PCDHGC5: variants seen among roughly 807,000 people sequenced by gnomAD.
The protein encoded by PCDHGC5 is protocadherin gamma-C5.
A neutral mutation model predicts 59.0 loss-of-function variants in PCDHGC5; 25 were observed. The observed-to-expected ratio is 0.42, with a 90% CI of 0.31 to 0.59. The LOEUF is 0.59. Among genes scored for constraint, PCDHGC5 ranks in the 20% least tolerant of loss-of-function variants. PCDHGC5 has a pLI of 0.13. For missense variants in PCDHGC5, 1,067 were observed against 1,206.4 expected (o/e 0.88, Z 1.71); for synonymous variants, 434 against 505.5 (o/e 0.86, Z 1.90).
At chr5:141,501,290 TACACACACACACACACAC>T (rs55762287) in intron 2 of PCDHGC5, among the ~76,000 whole-genome samples, 6 of 136,162 alleles carry the variant, frequency 4.4e-5, no homozygotes, top group South Asian at 2.4e-4. Flanking sequence ...TATTCCCTTA[TACACACACACACACACAC>T]ACACACACAC....
Position 141,491,622 on chromosome 5 carries a change from C to T in PCDHGC5, c.2382C>T (p.Ser794=), listed in dbSNP as rs980546113. 15 of 1,613,786 alleles carry T rather than the reference C, an allele frequency of 9.3e-6. No individual in the cohort carries two copies. Among genetic ancestry groups the T allele is most frequent in the Non-Finnish European group, 1.3e-5 (15 of 1,180,002 alleles). Reference sequence around the variant, plus strand: ...ACTTCACTTTTCTAAGACCCCTCAGCGTTCAGCAGCCCACAGCTCTGGCGC... The same window carrying T: ...ACTTCACTTTTCTAAGACCCCTCAGTGTTCAGCAGCCCACAGCTCTGGCGC... ...GSDFTFLRPL[S]VQQPTALALE... is the part of the protein sequence containing the mutation. Residue 794 remains serine, a synonymous_variant, in exon 1 of 4, where the codon AGC becomes AGT. Transcript: ENST00000252087. This position sits in a 1 kb window ranked among gnomAD's most constrained non-coding sequence, Gnocchi z 6.9.
rs943867570 is a variant in PCDHGC5 at position 141,493,651 on chromosome 5, T to C, written c.2461-1156T>C. On this transcript the variant is annotated intron_variant, in intron 1 of 3. Coordinates refer to ENST00000252087, the MANE Select transcript of PCDHGC5 (RefSeq NM_018929.3). The surrounding 1 kb of genome is among the most constrained non-coding windows in gnomAD (Gnocchi z 4.3). ...AGTGGCTGAGGGCTGGCCATCCCTGTGCCCTTCTCCATGGCAGCCCCAGAA... is the reference window on the plus strand; with the variant it reads ...AGTGGCTGAGGGCTGGCCATCCCTGCGCCCTTCTCCATGGCAGCCCCAGAA... Among the ~76,000 whole-genome samples, 1 of 152,204 alleles carries C rather than the reference T, an allele frequency of 6.6e-6. No individual in the cohort carries two copies. The highest frequency in any genetic ancestry group is 1.5e-5 in the Non-Finnish European group (1 of 68,030).
chr5:141,499,689 C>CTTTT (rs545067566), intron 2 of PCDHGC5, among the ~76,000 whole-genome samples: 17 of 119,848 alleles, frequency 1.4e-4, no homozygotes, highest in East Asian at 2.4e-4. Context: ...TAACAGATGA[C>CTTTT]TTTTTTTTTT....
chr5:141,503,773 C>A (rs961986223), intron 2 of PCDHGC5, among the ~76,000 whole-genome samples: 1 of 152,204 alleles, frequency 6.6e-6, no homozygotes. Context: ...TGTGTCTGTT[C>A]TTAGGCTGAG....
At position 141,491,093 on chromosome 5, in the gene PCDHGC5, T is replaced by G; in HGVS notation, c.1853T>G (p.Leu618Arg). The G allele has an allele frequency of 6.2e-7, 1 of 1,614,160 alleles. No individual in the cohort carries two copies. The highest frequency in any genetic ancestry group is 8.5e-7 in the Non-Finnish European group (1 of 1,180,008). Residue 618 changes from leucine to arginine, a missense_variant, in exon 1 of 4, where the codon CTG (leucine) becomes CGG (arginine). By Grantham distance (102) the Leu-to-Arg change is moderately radical. Transcript: ENST00000252087. This position sits in a 1 kb window ranked among gnomAD's most constrained non-coding sequence, Gnocchi z 6.9. ...TTGCCACAGTCCACAGCCCCAGGAC[T>G]GTTCCTCGTGTCTACACACACTGGT... is the stretch of plus-strand genomic sequence containing the variant. ...SLLPQSTAPG[L>R]FLVSTHTGEV...
rs1445356223 is a variant in PCDHGC5, at chr5:141,490,414, G to T, written c.1174G>T (p.Asp392Tyr). The change falls in exon 1 of 4, where the codon GAC (aspartate) becomes TAC (tyrosine). Residue 392 changes from aspartate to tyrosine, a missense_variant. By Grantham distance (160) the Asp-to-Tyr change is radical. Transcript: ENST00000252087. This position sits in a 1 kb window ranked among gnomAD's most constrained non-coding sequence, Gnocchi z 5.4. ...NGEVSLDISP[D>Y]LPFQIKPSEN... ...TGAAGTGAGCCTTGATATCTCTCCGGACCTGCCATTTCAGATTAAGCCTTC... is the reference window on the plus strand; with the variant it reads ...TGAAGTGAGCCTTGATATCTCTCCGTACCTGCCATTTCAGATTAAGCCTTC... The T allele has an allele frequency of 1.2e-6, 2 of 1,614,138 alleles. No homozygotes were observed. The highest frequency in any genetic ancestry group is 1.7e-6 in the Non-Finnish European group (2 of 1,180,024).
rs537755017 is a variant in PCDHGC5 at position 141,491,797 on chromosome 5, G to A, written c.2460+97G>A. 16 of 1,506,818 alleles carry A rather than the reference G, an allele frequency of 1.1e-5. No individual in the cohort carries two copies. In the Admixed American group the frequency reaches 2.2e-4, roughly 20 times the overall value. The allele number at this position is 1,506,818 out of a possible 1,614,324, so 93.3% of individuals were successfully genotyped here. A position where few individuals can be genotyped will look rare whatever the true frequency, so the allele number is the denominator to read the frequency against. ...ATTGAACTTGCATCCACTCCTCTCC[G>A]GCCGGCTTGGTCGCTGGCTGCGCTC... On this transcript the variant is annotated intron_variant, in intron 1 of 3. Transcript: ENST00000252087. The surrounding 1 kb of genome is among the most constrained non-coding windows in gnomAD (Gnocchi z 6.9).
intron 3 of PCDHGC5, among the ~76,000 whole-genome samples, chr5:141,509,801 T>C (rs556629445): frequency 2.6e-5 from 4 of 152,140 alleles, no homozygotes; most frequent in South Asian, 2.1e-4. Flanking sequence ...CTCAGCTTCA[T>C]AGAGCCGAGC....
chr5:141,511,351 C>G lies in PCDHGC5; in HGVS notation c.*178C>G, dbSNP rs1190324197. On this transcript the variant is annotated 3_prime_UTR_variant, in exon 4 of 4. Coordinates refer to ENST00000252087, the MANE Select transcript of PCDHGC5 (RefSeq NM_018929.3). The stretch of plus-strand genomic sequence containing the variant: ...CCAGTCAGCACCTACCCCTTCCCCC[C>G]CAGGGGGTTGAATATGCAAAAGCAG... 6 of 1,386,432 alleles carry G rather than the reference C, an allele frequency of 4.3e-6. No individual in the cohort carries two copies. The highest frequency in any genetic ancestry group is 2.9e-5 in the African/African-American group (2 of 68,574). The allele number at this position is 1,386,432 out of a possible 1,614,324, so 85.9% of individuals were successfully genotyped here.
At chr5:141,509,216 T>C (rs2099875781) in intron 3 of PCDHGC5, among the ~76,000 whole-genome samples, 1 of 152,124 alleles carries the variant, frequency 6.6e-6, no homozygotes, top group South Asian at 2.1e-4. Flanking sequence ...TATTTCTCAA[T>C]CCCTGGTTGA....
intron 2 of PCDHGC5, among the ~76,000 whole-genome samples, chr5:141,501,052 A>G (rs1007055288): frequency 6.6e-6 from 1 of 151,988 alleles, no homozygotes; most frequent in Non-Finnish European, 1.5e-5. Flanking sequence ...TATTTTTAGT[A>G]GAGACGGGGT....
At position 141,493,235 on chromosome 5, in the gene PCDHGC5, T is replaced by G. The variant is rs541360337; in HGVS notation, c.2460+1535T>G. Among the ~76,000 whole-genome samples the G allele has an allele frequency of 6.6e-6, 1 of 152,352 alleles. No homozygotes were observed. The highest frequency in any genetic ancestry group is 1.5e-5 in the Non-Finnish European group (1 of 68,036). On this transcript the variant is annotated intron_variant, in intron 1 of 3. Transcript: ENST00000252087. This position sits in a 1 kb window ranked among gnomAD's most constrained non-coding sequence, Gnocchi z 4.3. ...TGCTCTTCCCACCATTGCTGTTGGC[T>G]AGGTACTAACATGCCTCTCTTATAA...
chr5:141,501,328 CACA>C (rs2099808027), intron 2 of PCDHGC5, among the ~76,000 whole-genome samples: 1 of 151,710 alleles, frequency 6.6e-6, no homozygotes, highest in Non-Finnish European at 1.5e-5. Context: ...CACACACACA[CACA>C]CACCCCAAAC....
chr5:141,507,613 T>G (rs1003099044), intron 3 of PCDHGC5, among the ~76,000 whole-genome samples: 1 of 152,248 alleles, frequency 6.6e-6, no homozygotes, highest in African/African-American at 2.4e-5. Context: ...ACAGGTATAT[T>G]TAGCTGTTGT....
In PCDHGC5 at chr5:141,497,558, TA is replaced by T. The variant is rs543126612; in HGVS notation, c.2519+2694del. 6.7e-3 allele frequency among the ~76,000 whole-genome samples: 979 copies of T among 145,038 alleles called. 16 individuals carry two copies. Among genetic ancestry groups the T allele is most frequent in the African/African-American group, 0.024 (931 of 38,872 alleles). On this transcript the variant is annotated intron_variant, in intron 2 of 3. Coordinates refer to ENST00000252087, the MANE Select transcript of PCDHGC5 (RefSeq NM_018929.3). The stretch of plus-strand genomic sequence containing the variant: ...AACAAACCTTTTTTTTTTTTTTTTT[TA>T]GACAGAGTCTTGCTCTGTTGCCCAA...
At chr5:141,502,377 C>A (rs748121694) in intron 2 of PCDHGC5, among the ~76,000 whole-genome samples, 14 of 151,904 alleles carry the variant, frequency 9.2e-5, no homozygotes, top group Non-Finnish European at 1.3e-4. Flanking sequence ...AGAGTCCAGG[C>A]CAGTTGTACT....
chr5:141,495,878 T>C (rs2099764378), intron 2 of PCDHGC5, among the ~76,000 whole-genome samples: 1 of 152,184 alleles, frequency 6.6e-6, no homozygotes, highest in African/African-American at 2.4e-5. Context: ...TTCCTCTCTG[T>C]TCTTTGTCTC....
Position 141,489,712 on chromosome 5 carries a change from C to T in PCDHGC5, c.472C>T (p.Gln158Ter). Residue 158 changes from glutamine to a stop codon, truncating the protein, a stop_gained, in exon 1 of 4, where the codon CAG becomes TAG. Coordinates refer to ENST00000252087, the MANE Select transcript of PCDHGC5 (RefSeq NM_018929.3). LOFTEE classifies it high-confidence loss of function. The surrounding 1 kb of genome is among the most constrained non-coding windows in gnomAD (Gnocchi z 4.5). ...SGARFPLDSAQDPDVGTNTVS... is the reference protein window; with the variant it reads ...SGARFPLDSA The stretch of plus-strand genomic sequence containing the variant: ...GGCACGATTCCCACTGGACAGTGCC[C>T]AGGATCCGGATGTGGGCACCAATAC... The T allele has an allele frequency of 6.2e-7, 1 of 1,614,162 alleles. No individual in the cohort carries two copies. The highest frequency in any genetic ancestry group is 1.1e-5 in the South Asian group (1 of 91,078).
intron 2 of PCDHGC5, among the ~76,000 whole-genome samples, chr5:141,501,301 ACAC>A (rs1380901086): frequency 6.6e-6 from 1 of 150,882 alleles, no homozygotes; most frequent in African/African-American, 2.4e-5. Context: ...ACACACACAC[ACAC>A]ACACACACAC....
Sources: allele counts gnomAD v4.1 joint callset (sites outside exome capture counted in the v4.1 genomes callset), GRCh38; gene constraint gnomAD v4.1.1; non-coding constraint Gnocchi (gnomAD v3.1); transcripts MANE v1.5; gene names NCBI Gene and HGNC (gene_info 2026-07-23, HGNC 2026-07-21).